The following TNS3 variants were observed in gnomAD, a reference collection of about 807,000 sequenced individuals.
TNS3 encodes tensin-3.
A neutral mutation model predicts 140.9 loss-of-function variants in TNS3; 45 were observed. The ratio of observed to expected loss-of-function variants is 0.32; its 90% CI spans 0.25 to 0.41. The LOEUF is 0.41. TNS3 is among the 10% of genes least tolerant of loss of function. The pLI, the probability that TNS3 is intolerant of heterozygous loss-of-function variation, is 1.00. For missense variants in TNS3, 1,716 were observed against 1,906.7 expected, an observed-to-expected ratio of 0.90 and a Z score of 1.86; for synonymous variants, 815 against 788.4, an observed-to-expected ratio of 1.03 and a Z score of -0.56.
chr7:47,393,233 A>C (rs768843777), intron 16 of TNS3, among the ~76,000 whole-genome samples: 15 of 152,246 alleles, frequency 9.9e-5, no homozygotes, highest in Non-Finnish European at 1.8e-4. Context: ...CTTCTTTTTG[A>C]TAATTTACAT....
intron 1 of TNS3, among the ~76,000 whole-genome samples, chr7:47,542,861 C>T (rs905730179): frequency 2.8e-5 from 4 of 145,000 alleles, no homozygotes; most frequent in Non-Finnish European, 4.5e-5. Flanking sequence ...ATCCAGGAGG[C>T]AGAGGTTGCA....
At chr7:47,486,965 G>A (rs1012901566) in intron 3 of TNS3, among the ~76,000 whole-genome samples, 42 of 152,096 alleles carry the variant, frequency 2.8e-4, no homozygotes, top group African/African-American at 9.2e-4. Context: ...GGTGGGTCAC[G>A]TGAATCAGCT....
chr7:47,380,922 TCC>T (rs1791718407), intron 16 of TNS3, among the ~76,000 whole-genome samples: 1 of 152,038 alleles, frequency 6.6e-6, no homozygotes, highest in Non-Finnish European at 1.5e-5. Context: ...GCGTGCCACC[TCC>T]CTCCCAGGCA....
At chr7:47,359,787 G>A (rs1004259747) in intron 17 of TNS3, among the ~76,000 whole-genome samples, 2 of 152,180 alleles carry the variant, frequency 1.3e-5, no homozygotes, top group Non-Finnish European at 2.9e-5. Context: ...GAAGAGTAAA[G>A]ATGGCGCTAG....
At chr7:47,579,196 G>A (rs934924804) in intron 1 of TNS3, 1 of 152,062 alleles carries the variant, frequency 6.6e-6, no homozygotes, top group Non-Finnish European at 1.5e-5. Flanking sequence ...GATCAACAAG[G>A]ATAGCAGCAG....
intron 1 of TNS3, among the ~76,000 whole-genome samples, chr7:47,554,620 A>G (rs1800148988): frequency 6.6e-6 from 1 of 152,260 alleles, no homozygotes; most frequent in Non-Finnish European, 1.5e-5. Context: ...GGGAACAGCA[A>G]GAGCACTAGA....
At chr7:47,349,690 C>G (rs978728383) in intron 17 of TNS3, among the ~76,000 whole-genome samples, 2 of 152,210 alleles carry the variant, frequency 1.3e-5, no homozygotes, top group Non-Finnish European at 2.9e-5. Flanking sequence ...CCCTTCCTCT[C>G]GGACTGCAAA....
intron 3 of TNS3, among the ~76,000 whole-genome samples, chr7:47,485,023 T>G (rs1797558579): frequency 6.6e-6 from 1 of 152,216 alleles, no homozygotes; most frequent in Non-Finnish European, 1.5e-5. Flanking sequence ...CTGCATCCCC[T>G]GAGACCGTCC....
At position 47,368,399 on chromosome 7, in the gene TNS3, T is replaced by C. The variant is rs2151142239; in HGVS notation, c.2247A>G (p.Thr749=). 1.3e-6 allele frequency: 2 copies of C among 1,511,240 alleles called. No individual in the cohort carries two copies. Among genetic ancestry groups the C allele is most frequent in the South Asian group, 1.3e-5 (1 of 74,492 alleles). The allele number at this position is 1,511,240 out of a possible 1,614,324, so 93.6% of individuals were successfully genotyped here. The change falls in exon 17 of 31, where the codon ACA becomes ACG. Residue 749 remains threonine (T), a synonymous_variant. Transcript: ENST00000311160. ...GLRASSRLPD[T]GEGPSRATGR... is the part of the protein sequence containing the mutation. The stretch of plus-strand genomic sequence containing the variant: ...CGGTGGCCCTGCTGGGGCCCTCTCC[T>C]GTGTCAGGCAGCCTGCTGCTTGCCC...
chr7:47,428,234 C>T (rs1794757062), intron 9 of TNS3, 78 bp downstream of exon 9: 4 of 1,092,394 alleles, frequency 3.7e-6, no homozygotes, highest in Non-Finnish European at 4.9e-6. Context: ...CAGAACAGCT[C>T]CCGCGCAGAC....
intron 23 of TNS3, among the ~76,000 whole-genome samples, chr7:47,297,810 T>C (rs1786136367): frequency 6.8e-6 from 1 of 146,326 alleles, no homozygotes; most frequent in Admixed American, 6.9e-5. Flanking sequence ...TTTTTTGAGA[T>C]GGAGTCTCGC....
chr7:47,457,375 T>C (rs1400798987), intron 4 of TNS3, among the ~76,000 whole-genome samples: 1 of 152,126 alleles, frequency 6.6e-6, no homozygotes, highest in African/African-American at 2.4e-5. Context: ...ATGCCCTTGA[T>C]ATCTAATTGA....
At chr7:47,427,301 T>C (rs1349753573) in intron 9 of TNS3, among the ~76,000 whole-genome samples, 1 of 152,178 alleles carries the variant, frequency 6.6e-6, no homozygotes, top group East Asian at 1.9e-4. Flanking sequence ...AGAGGGTATC[T>C]GATTTTCACT....
chr7:47,389,889 G>A (rs755505284), intron 16 of TNS3, among the ~76,000 whole-genome samples: 2 of 152,232 alleles, frequency 1.3e-5, no homozygotes, highest in Admixed American at 6.5e-5. Context: ...CCGCCCATCT[G>A]GCCCGTTTCT....
intron 4 of TNS3, among the ~76,000 whole-genome samples, chr7:47,469,972 T>TCAAAAAAAAAAAAAAAAAAA (rs1796881561): frequency 1.1e-4 from 1 of 8,942 alleles, no homozygotes; most frequent in African/African-American, 6.4e-4. Flanking sequence ...AAACTCTGTC[T>TCAAAAAAAAAAAAAAAAAAA]CAAAAAAAAA....
intron 13 of TNS3, among the ~76,000 whole-genome samples, chr7:47,403,623 C>T (rs913490264): frequency 6.6e-6 from 1 of 152,268 alleles, no homozygotes; most frequent in East Asian, 1.9e-4. Flanking sequence ...GAGGTAAACA[C>T]CACCCTCCCC....
At chr7:47,281,668 AACT>A (rs1785151530) in intron 28 of TNS3, among the ~76,000 whole-genome samples, 1 of 152,222 alleles carries the variant, frequency 6.6e-6, no homozygotes, top group South Asian at 2.1e-4. Flanking sequence ...GAAAGATCTG[AACT>A]GATGTGGACA....
At chr7:47,331,884 T>G (rs569418488) in intron 20 of TNS3, among the ~76,000 whole-genome samples, 2 of 152,308 alleles carry the variant, frequency 1.3e-5, no homozygotes, top group African/African-American at 4.8e-5. Flanking sequence ...CTGGCCTAAG[T>G]AGGACAGCCT....
At chr7:47,580,180 G>C (rs547483154) in intron 1 of TNS3, among the ~76,000 whole-genome samples, 1 of 152,264 alleles carries the variant, frequency 6.6e-6, no homozygotes, top group African/African-American at 2.4e-5. Context: ...CAGACGCGCA[G>C]CAGCAGCCAG....
Sources: allele counts gnomAD v4.1 joint callset (sites outside exome capture counted in the v4.1 genomes callset), GRCh38; gene constraint gnomAD v4.1.1; transcripts MANE v1.5; gene names NCBI Gene and HGNC (gene_info 2026-07-23, HGNC 2026-07-21).